The following IL34 variants were observed in gnomAD, a reference collection of about 807,000 sequenced individuals.
IL34 encodes interleukin 34, also known as interleukin-34.
A neutral mutation model predicts 25.3 loss-of-function variants in IL34; 17 were observed. The ratio of observed to expected loss-of-function variants is 0.67; its 90% CI spans 0.46 to 1.01. The LOEUF (loss-of-function observed/expected upper bound fraction) is 1.01. Among genes scored for constraint, IL34 ranks in the 50% least tolerant of loss-of-function variants. The pLI is 0.00. For synonymous variants in IL34, 174 were observed against 140.9 expected, an observed-to-expected ratio of 1.23 and a Z score of -1.66; for missense variants, 368 against 312.9, an observed-to-expected ratio of 1.18 and a Z score of -1.33.
chr16:70,651,711 C>G (rs940675308), intron 1 of IL34, among the ~76,000 whole-genome samples: 1 of 150,776 alleles, frequency 6.6e-6, no homozygotes, highest in African/African-American at 2.4e-5. Context: ...AATTCCTGCT[C>G]ATAGCTGGGG....
At chr16:70,617,386 T>A (rs112894201) in intron 1 of IL34, among the ~76,000 whole-genome samples, 14,958 of 151,994 alleles carry the variant, frequency 0.098, 2,172 homozygotes, top group African/African-American at 0.32. Flanking sequence ...TTGGAGAAAC[T>A]GTGTAAACCG....
chr16:70,608,157 C>T (rs1485704727), intron 1 of IL34, among the ~76,000 whole-genome samples: 9 of 121,432 alleles, frequency 7.4e-5, no homozygotes, highest in Non-Finnish European at 1.3e-4. Context: ...GAGATAGAGT[C>T]TTGCTCTGTT....
intron 1 of IL34, among the ~76,000 whole-genome samples, chr16:70,651,015 C>A (rs578237719): frequency 6.6e-6 from 1 of 152,210 alleles, no homozygotes; most frequent in East Asian, 1.9e-4. Flanking sequence ...TCAAGACCAG[C>A]CTGGCCAACC....
intron 1 of IL34, among the ~76,000 whole-genome samples, chr16:70,649,146 T>C (rs2052016048): frequency 6.6e-6 from 1 of 152,090 alleles, no homozygotes; most frequent in Admixed American, 6.5e-5. Context: ...TGGCTTTCCC[T>C]AGGAGAGAAT....
At chr16:70,656,519 A>T in intron 2 of IL34, 83 bp from the exon 3 acceptor site, 3 of 831,420 alleles carry the variant, frequency 3.6e-6, no homozygotes, top group Non-Finnish European at 6.4e-6. Flanking sequence ...ACTAACTGTT[A>T]AAAAAAACAT....
At chr16:70,637,020 C>T (rs1472547729) in intron 1 of IL34, among the ~76,000 whole-genome samples, 3 of 151,708 alleles carry the variant, frequency 2.0e-5, no homozygotes, top group Non-Finnish European at 2.9e-5. Context: ...GCTGGGACTA[C>T]AGGCTAATTT....
chr16:70,651,082 C>T (rs1167137039), intron 1 of IL34, among the ~76,000 whole-genome samples: 2 of 151,966 alleles, frequency 1.3e-5, no homozygotes, highest in East Asian at 1.9e-4. Flanking sequence ...TGTGGTGGCG[C>T]GCACCTGTAA....
At chr16:70,656,855 C>A in intron 3 of IL34, 105 bp from the exon 4 acceptor site, 1 of 1,298,578 alleles carries the variant, frequency 7.7e-7, no homozygotes, top group Non-Finnish European at 1.1e-6. Flanking sequence ...CCACAGCGGA[C>A]GGCCCGCGTC....
chr16:70,608,292 C>A (rs1006367140), intron 1 of IL34, among the ~76,000 whole-genome samples: 2 of 151,806 alleles, frequency 1.3e-5, no homozygotes, highest in Admixed American at 6.6e-5. Flanking sequence ...CCATGCCCAG[C>A]TAATTTTTGT....
chr16:70,642,171 G>A (rs1051958023), upstream of IL34, among the ~76,000 whole-genome samples: 2 of 152,054 alleles, frequency 1.3e-5, no homozygotes, highest in East Asian at 3.8e-4. Flanking sequence ...CTCTTCCCTT[G>A]GGTTGCAGAT....
upstream of IL34, among the ~76,000 whole-genome samples, chr16:70,644,217 A>C (rs2051852821): frequency 6.6e-6 from 1 of 152,094 alleles, no homozygotes; most frequent in Non-Finnish European, 1.5e-5. Context: ...TTTTATGGAC[A>C]ACTCTGTGGA....
chr16:70,580,419 C>T (rs566062456), intron 1 of IL34, among the ~76,000 whole-genome samples: 3 of 152,320 alleles, frequency 2.0e-5, no homozygotes, highest in South Asian at 2.1e-4. Flanking sequence ...TATATATTGC[C>T]GTAGGTCTTT....
chr16:70,656,203 G>A (rs545050552), intron 2 of IL34, among the ~76,000 whole-genome samples: 5 of 152,142 alleles, frequency 3.3e-5, no homozygotes, highest in South Asian at 2.1e-4. Flanking sequence ...CACCTCTGCC[G>A]TCAAAGGTCT....
At chr16:70,635,160 G>T (rs2051613196) in intron 1 of IL34, among the ~76,000 whole-genome samples, 1 of 152,166 alleles carries the variant, frequency 6.6e-6, no homozygotes, top group South Asian at 2.1e-4. Flanking sequence ...AACTTTGTTA[G>T]AATCGCCAGT....
intron 1 of IL34, among the ~76,000 whole-genome samples, chr16:70,651,577 C>G (rs1175623667): frequency 6.6e-6 from 1 of 151,856 alleles, no homozygotes; most frequent in Non-Finnish European, 1.5e-5. Flanking sequence ...AGGCAGGAGG[C>G]CTGAGCAGGG....
intron 1 of IL34, among the ~76,000 whole-genome samples, chr16:70,637,585 C>T (rs1319195458): frequency 7.3e-6 from 1 of 136,630 alleles, no homozygotes; most frequent in Non-Finnish European, 1.7e-5. Context: ...CTCAGATGAT[C>T]TGCCCCCCCT....
upstream of IL34, among the ~76,000 whole-genome samples, chr16:70,642,401 G>C (rs192943217): frequency 1.3e-5 from 2 of 150,564 alleles, no homozygotes; most frequent in African/African-American, 4.9e-5. Flanking sequence ...GAGTTCAAGC[G>C]ATTCTCCTGC....
intron 1 of IL34, among the ~76,000 whole-genome samples, chr16:70,624,046 G>A (rs530538208): frequency 3.0e-4 from 46 of 152,146 alleles, no homozygotes; most frequent in African/African-American, 9.6e-4. Context: ...ATCAGGCAGC[G>A]TCAGTCTTCA....
intron 1 of IL34, among the ~76,000 whole-genome samples, chr16:70,609,710 C>T (rs2051063175): frequency 6.6e-6 from 1 of 152,098 alleles, no homozygotes; most frequent in Non-Finnish European, 1.5e-5. Context: ...GGGATTTATC[C>T]TGCCTTGGTT....
Sources: gnomAD v4.1 joint callset for allele counts (sites outside exome capture counted in the v4.1 genomes callset) on GRCh38, gnomAD v4.1.1 for gene constraint, MANE v1.5 for transcripts, NCBI Gene and HGNC (gene_info 2026-07-23, HGNC 2026-07-21) for gene names.